The following ZBTB20 variants were observed in gnomAD, a reference collection of about 807,000 sequenced individuals.
The protein encoded by ZBTB20 is zinc finger and BTB domain-containing protein 20.
A neutral mutation model predicts 56.9 loss-of-function variants in ZBTB20; 9 were observed. The observed-to-expected ratio is 0.16, with a 90% CI of 0.10 to 0.28. The LOEUF (loss-of-function observed/expected upper bound fraction) is 0.28. Among genes scored for constraint, ZBTB20 ranks in the 10% least tolerant of loss-of-function variants. The pLI is 1.00. For synonymous variants in ZBTB20, 417 were observed against 420.7 expected, an observed-to-expected ratio of 0.99 and a Z score of 0.11; for missense variants, 655 against 1,003.0, an observed-to-expected ratio of 0.65 and a Z score of 4.69.
At chr3:114,794,898 T>C (rs2108819161) in intron 5 of ZBTB20, among the ~76,000 whole-genome samples, 1 of 152,136 alleles carries the variant, frequency 6.6e-6, no homozygotes, top group South Asian at 2.1e-4. Flanking sequence ...TTGCACATGA[T>C]AAAATACACC....
At chr3:114,713,628 C>A (rs915121846) in intron 5 of ZBTB20, among the ~76,000 whole-genome samples, 4 of 152,138 alleles carry the variant, frequency 2.6e-5, no homozygotes, top group African/African-American at 9.7e-5. Flanking sequence ...GGATTAGAGT[C>A]TGAAAAACAC....
At chr3:114,536,788 A>G (rs1351197932) in intron 6 of ZBTB20, among the ~76,000 whole-genome samples, 1 of 152,196 alleles carries the variant, frequency 6.6e-6, no homozygotes, top group Non-Finnish European at 1.5e-5. Context: ...GTACCAAAAC[A>G]GATATATAGA....
intron 6 of ZBTB20, among the ~76,000 whole-genome samples, chr3:114,654,297 T>C (rs914823377): frequency 6.6e-6 from 1 of 151,990 alleles, no homozygotes; most frequent in Non-Finnish European, 1.5e-5. Context: ...CAATATATTG[T>C]ATTTTCATTT....
At chr3:114,567,622 C>T (rs2052932981) in intron 6 of ZBTB20, among the ~76,000 whole-genome samples, 1 of 152,080 alleles carries the variant, frequency 6.6e-6, no homozygotes, top group African/African-American at 2.4e-5. Context: ...AGTGAATATG[C>T]CTTTCATTTA....
intron 6 of ZBTB20, chr3:114,624,902 C>T (rs940860313): frequency 8.5e-5 from 13 of 152,550 alleles, no homozygotes; most frequent in African/African-American, 2.9e-4. Context: ...GGCTGAGGTT[C>T]CTACATTTCC....
At chr3:115,127,390 G>A (rs896244754) in intron 1 of ZBTB20, among the ~76,000 whole-genome samples, 4 of 152,116 alleles carry the variant, frequency 2.6e-5, no homozygotes, top group African/African-American at 9.7e-5. Context: ...AAGAGTTCAA[G>A]AACATCCTGA....
chr3:114,827,766 T>C (rs2073618961), intron 4 of ZBTB20, among the ~76,000 whole-genome samples: 1 of 151,760 alleles, frequency 6.6e-6, no homozygotes, highest in African/African-American at 2.4e-5. Context: ...AAGAACCAAG[T>C]ATTGCTTAGA....
intron 11 of ZBTB20, among the ~76,000 whole-genome samples, chr3:114,340,364 C>A (rs1474163989): frequency 1.3e-5 from 2 of 151,966 alleles, no homozygotes; most frequent in Non-Finnish European, 2.9e-5. Context: ...ATACCTCCCA[C>A]CCCCATTAAA....
In ZBTB20 at chr3:114,380,782, T is replaced by C. The variant is rs1277298810; in HGVS notation, c.6A>G (p.Leu2=). ...AATACTAGTGGAAGTTTTACCGTTCTAGCATTTGTCAGGAAGCTTAGAGAC... is the reference window on the plus strand; with the variant it reads ...AATACTAGTGGAAGTTTTACCGTTCCAGCATTTGTCAGGAAGCTTAGAGAC... M[L]ERKKPKTAEN... Residue 2 remains leucine (L), a synonymous_variant, in exon 9 of 12, where the codon CTA becomes CTG. Transcript: ENST00000675478. 2 of 1,511,976 alleles carry C rather than the reference T, an allele frequency of 1.3e-6. No individual in the cohort carries two copies. Among genetic ancestry groups the C allele is most frequent in the Non-Finnish European group, 1.8e-6 (2 of 1,138,214 alleles). 93.7% of individuals were successfully genotyped at this position (1,511,976 alleles called of 1,614,324 possible). A position where few individuals can be genotyped will look rare whatever the true frequency, so the allele number is the denominator to read the frequency against.
At chr3:115,022,464 T>G (rs1261003893) in intron 2 of ZBTB20, among the ~76,000 whole-genome samples, 1 of 151,080 alleles carries the variant, frequency 6.6e-6, no homozygotes, top group Non-Finnish European at 1.5e-5. Context: ...TTGAATATTT[T>G]CACTGACAAC....
At chr3:114,960,320 T>C (rs751455424) in intron 3 of ZBTB20, among the ~76,000 whole-genome samples, 1 of 152,230 alleles carries the variant, frequency 6.6e-6, no homozygotes, top group Non-Finnish European at 1.5e-5. Flanking sequence ...AATGCTTTTA[T>C]AAATTTTGAC....
chr3:115,055,346 A>G (rs1406238620), intron 2 of ZBTB20, among the ~76,000 whole-genome samples: 1 of 152,016 alleles, frequency 6.6e-6, no homozygotes, highest in Non-Finnish European at 1.5e-5. Context: ...GGATTAATCC[A>G]TTTTGGAAAC....
At chr3:114,365,508 AG>A (rs1186469204) in intron 10 of ZBTB20, among the ~76,000 whole-genome samples, 1 of 152,170 alleles carries the variant, frequency 6.6e-6, no homozygotes, top group Non-Finnish European at 1.5e-5. Flanking sequence ...CACAGTGTGT[AG>A]GGGGTGGATT....
At chr3:115,106,482 C>T (rs2108616759) in intron 1 of ZBTB20, among the ~76,000 whole-genome samples, 1 of 152,122 alleles carries the variant, frequency 6.6e-6, no homozygotes, top group East Asian at 1.9e-4. Context: ...TTCCGCCTGC[C>T]TCAGCCTCCC....
intron 6 of ZBTB20, chr3:114,658,881 C>A (rs985294064): frequency 3.3e-5 from 5 of 152,130 alleles, no homozygotes; most frequent in African/African-American, 1.2e-4. Context: ...ATGTAATAGA[C>A]CAGTATTAAT....
intron 5 of ZBTB20, among the ~76,000 whole-genome samples, chr3:114,730,027 T>A (rs561997846): frequency 2.0e-5 from 3 of 150,524 alleles, no homozygotes; most frequent in African/African-American, 7.3e-5. Context: ...CAAACTCCTG[T>A]CTTCAAGTGA....
intron 1 of ZBTB20, among the ~76,000 whole-genome samples, chr3:115,084,687 T>C (rs990742673): frequency 4.6e-5 from 7 of 151,920 alleles, no homozygotes; most frequent in Non-Finnish European, 8.8e-5. Flanking sequence ...TGAGTAAATA[T>C]AAAAAGTATC....
intron 11 of ZBTB20, among the ~76,000 whole-genome samples, chr3:114,349,888 A>G (rs750251214): frequency 9.9e-5 from 15 of 152,246 alleles, no homozygotes; most frequent in Non-Finnish European, 2.1e-4. Context: ...GACAAGGTTT[A>G]GTAGTAGCTA....
chr3:114,772,197 C>A (rs537701131), intron 5 of ZBTB20, among the ~76,000 whole-genome samples: 2 of 151,884 alleles, frequency 1.3e-5, no homozygotes, highest in African/African-American at 4.8e-5. Context: ...AAAAAGTAAC[C>A]GGGCATGGTG....
Sources: gnomAD v4.1 joint callset for allele counts (sites outside exome capture counted in the v4.1 genomes callset) on GRCh38, gnomAD v4.1.1 for gene constraint, MANE v1.5 for transcripts, NCBI Gene and HGNC (gene_info 2026-07-23, HGNC 2026-07-21) for gene names.